DNAH11: variants seen among roughly 807,000 people sequenced by gnomAD.
DNAH11 encodes dynein axonemal heavy chain 11, also known as axonemal beta dynein heavy chain 11.
A neutral mutation model predicts 526.0 loss-of-function variants in DNAH11; 442 were observed. The ratio of observed to expected loss-of-function variants is 0.84; its 90% CI spans 0.78 to 0.91. The LOEUF (loss-of-function observed/expected upper bound fraction) is 0.91, where lower values mean the gene tolerates loss of function less well. Ranked by LOEUF, DNAH11 falls within the 40% of genes least tolerant of loss-of-function variation. DNAH11 has a pLI of 0.00. For synonymous variants in DNAH11, 2,461 were observed against 1,935.9 expected (o/e 1.27, Z -7.12); for missense variants, 6,989 against 5,448.7 (o/e 1.28, Z -8.90).
At chr7:21,851,431 T>C (rs1474396698) in intron 66 of DNAH11, 1 of 394,024 alleles carries the variant, frequency 2.5e-6, no homozygotes, top group East Asian at 7.2e-5. Context: ...TGAGAGCAGA[T>C]TAATACATCC....
intron 26 of DNAH11, among the ~76,000 whole-genome samples, chr7:21,636,502 A>T (rs893266942): frequency 6.6e-6 from 1 of 152,104 alleles, no homozygotes; most frequent in African/African-American, 2.4e-5. Context: ...TGGGAGTCCA[A>T]GGTAGGAGGA....
intron 20 of DNAH11, among the ~76,000 whole-genome samples, chr7:21,612,697 G>A: frequency 6.6e-6 from 1 of 151,968 alleles, no homozygotes; most frequent in Admixed American, 6.6e-5. Context: ...ACTTTGTGAA[G>A]CATGTCTGAT....
intron 56 of DNAH11, among the ~76,000 whole-genome samples, chr7:21,774,621 G>C (rs976996596): frequency 6.6e-6 from 1 of 152,176 alleles, no homozygotes; most frequent in African/African-American, 2.4e-5. Context: ...TCATGAAGTA[G>C]TTGTTACTAC....
At chr7:21,897,001 A>T (rs905350000) in intron 79 of DNAH11, among the ~76,000 whole-genome samples, 1 of 152,122 alleles carries the variant, frequency 6.6e-6, no homozygotes, top group Non-Finnish European at 1.5e-5. Flanking sequence ...CTTGAGCCCA[A>T]GAGGTCAAGG....
At position 21,734,775 on chromosome 7, in the gene DNAH11, C is replaced by T. The variant is rs139939027; in HGVS notation, c.7441-865C>T. On this transcript the variant is annotated intron_variant, in intron 45 of 81. Coordinates refer to ENST00000409508, the MANE Select transcript of DNAH11 (RefSeq NM_001277115.2). ...TGGGAGGCTGAGGTGGGAGAATAAC[C>T]TGAGCTCAGGAAGTCAAGGCTGCAG... Among the ~76,000 whole-genome samples the T allele has an allele frequency of 6.4e-3, 978 of 152,104 alleles. 13 individuals carry two copies. Among genetic ancestry groups the T allele is most frequent in the African/African-American group, 0.022 (928 of 41,484 alleles).
At chr7:21,734,583 A>G (rs1388817921) in intron 45 of DNAH11, among the ~76,000 whole-genome samples, 3 of 152,224 alleles carry the variant, frequency 2.0e-5, no homozygotes, top group Admixed American at 1.3e-4. Flanking sequence ...TGAGTCAACC[A>G]TGGTGGCTCA....
chr7:21,830,589 C>G (rs1790509371), intron 65 of DNAH11, among the ~76,000 whole-genome samples: 1 of 152,144 alleles, frequency 6.6e-6, no homozygotes, highest in South Asian at 2.1e-4. Flanking sequence ...GTGAAATGAA[C>G]TTTATACTAG....
intron 65 of DNAH11, among the ~76,000 whole-genome samples, chr7:21,835,957 A>G (rs918943539): frequency 1.3e-5 from 2 of 152,078 alleles, no homozygotes; most frequent in East Asian, 1.9e-4. Context: ...TAGTGTTTCT[A>G]TACACCAATA....
rs1387077003 is a variant in DNAH11, at chr7:21,543,289, A to T, written c.44A>T (p.Glu15Val). 2 of 1,545,580 alleles carry T rather than the reference A, an allele frequency of 1.3e-6. No homozygotes were observed. The highest frequency in any genetic ancestry group is 1.7e-6 in the Non-Finnish European group (2 of 1,144,226). The change falls in exon 1 of 82, where the codon GAA becomes GTA. Residue 15 changes from glutamate (E) to valine (V), a missense_variant. Physicochemically the swap from Glu to Val is moderately radical, Grantham distance 121. Coordinates refer to ENST00000409508, the MANE Select transcript of DNAH11 (RefSeq NM_001277115.2). ...VAAREARDFR[E>V]APTLRLTSGA... ...GCCCGGGAGGCGCGAGACTTCAGAG[A>T]AGCCCCGACCCTTCGCCTAACCTCG...
intron 18 of DNAH11, 117 bp from the exon 19 acceptor site, chr7:21,606,309 C>A: frequency 1.2e-6 from 1 of 857,160 alleles, no homozygotes; most frequent in Non-Finnish European, 1.8e-6. Context: ...GGGGATAGAG[C>A]CAGACCTTGT....
chr7:21,769,754 G>T (rs1285827051), intron 55 of DNAH11, among the ~76,000 whole-genome samples: 2 of 152,042 alleles, frequency 1.3e-5, no homozygotes, highest in Non-Finnish European at 2.9e-5. Flanking sequence ...CAAAGTGCTG[G>T]ATTACAGGCA....
chr7:21,880,867 T>C lies in DNAH11; in HGVS notation c.12361T>C (p.Tyr4121His), dbSNP rs905762039. 3.7e-6 allele frequency: 6 copies of C among 1,609,234 alleles called. No homozygotes were observed. Among genetic ancestry groups the C allele is most frequent in the Non-Finnish European group, 5.1e-6 (6 of 1,178,770 alleles). ...CCTCACCATTTGTGCCAGTGTCCTC[T>C]ACAACTACTTAGAGGCAAACTCTAA... ...GDLTICASVLYNYLEANSKVP... is the reference protein window; with the variant it reads ...GDLTICASVLHNYLEANSKVP... Residue 4121 changes from tyrosine to histidine, a missense_variant, in exon 75 of 82, where the codon TAC (tyrosine) becomes CAC (histidine). Transcript: ENST00000409508.
At chr7:21,615,421 T>G (rs1288109381) in intron 21 of DNAH11, 149 bp downstream of exon 21, 3 of 789,370 alleles carry the variant, frequency 3.8e-6, no homozygotes, top group Non-Finnish European at 5.6e-6. Flanking sequence ...TTAGAGTTCA[T>G]GTATCTCTGT....
intron 45 of DNAH11, among the ~76,000 whole-genome samples, chr7:21,732,331 A>G (rs1033028693): frequency 6.6e-6 from 1 of 152,026 alleles, no homozygotes; most frequent in Non-Finnish European, 1.5e-5. Flanking sequence ...TTATAAGGAC[A>G]CCTATCAGAT....
Position 21,818,329 on chromosome 7 carries a change from A to C in DNAH11, c.10681A>C (p.Lys3561Gln). ...TCCACTACTTGGCAGGAACACAATT[A>C]AAAAAGGAAAGTAAGTATTCTTGAA... ...LDPLLGRNTI[K>Q]KGKYIRIGDK... is the part of the protein sequence containing the mutation. Residue 3561 changes from lysine (K) to glutamine (Q), a missense_variant, in exon 65 of 82, where the codon AAA becomes CAA. Transcript: ENST00000409508. 6.2e-7 allele frequency: 1 copy of C among 1,604,604 alleles called. No individual in the cohort carries two copies. Among genetic ancestry groups the C allele is most frequent in the South Asian group, 1.1e-5 (1 of 88,072 alleles).
intron 79 of DNAH11, among the ~76,000 whole-genome samples, chr7:21,897,034 C>T (rs892576647): frequency 6.6e-6 from 1 of 152,118 alleles, no homozygotes; most frequent in Non-Finnish European, 1.5e-5. Context: ...ATGATCATGC[C>T]ACTGCATTCT....
At chr7:21,844,451 C>T (rs755870643) in intron 66 of DNAH11, among the ~76,000 whole-genome samples, 64 of 152,084 alleles carry the variant, frequency 4.2e-4, no homozygotes, top group Admixed American at 2.7e-3. Context: ...AAACAAAAAA[C>T]GGACTTGTTC....
At chr7:21,779,460 T>A (rs1341045546) in intron 57 of DNAH11, among the ~76,000 whole-genome samples, 1 of 152,150 alleles carries the variant, frequency 6.6e-6, no homozygotes, top group Non-Finnish European at 1.5e-5. Context: ...ATTGAACAAC[T>A]CAATTGTTAA....
intron 66 of DNAH11, among the ~76,000 whole-genome samples, chr7:21,850,249 G>A (rs534112564): frequency 9.3e-5 from 14 of 151,224 alleles, no homozygotes; most frequent in South Asian, 4.2e-4. Flanking sequence ...CCAGCTACTC[G>A]GGAGGCTGAG....
Sources: gnomAD v4.1 joint callset for allele counts (sites outside exome capture counted in the v4.1 genomes callset) on GRCh38, gnomAD v4.1.1 for gene constraint, MANE v1.5 for transcripts, NCBI Gene and HGNC (gene_info 2026-07-23, HGNC 2026-07-21) for gene names.